Variants in PPP1R14C observed in about 807,000 individuals in gnomAD.
PPP1R14C encodes protein phosphatase 1 regulatory subunit 14C.
Under a neutral mutation model 20.4 loss-of-function variants are expected in PPP1R14C, and 16 were observed. That is an observed-to-expected ratio of 0.78 (90% CI 0.53 to 1.19). The LOEUF (loss-of-function observed/expected upper bound fraction) is 1.19. Among genes scored for constraint, PPP1R14C ranks in the 50% most tolerant of loss-of-function variants. The pLI is 0.00. For missense variants in PPP1R14C, 211 were observed against 220.1 expected (o/e 0.96, Z 0.26); for synonymous variants, 91 against 91.0 (o/e 1.00, Z 0.00).
chr6:150,177,472 AG>A (rs1019983169), intron 1 of PPP1R14C, among the ~76,000 whole-genome samples: 1 of 152,180 alleles, frequency 6.6e-6, no homozygotes, highest in African/African-American at 2.4e-5. Context: ...AGGCAAGCGA[AG>A]GGTCATGTGT....
At chr6:150,187,112 A>G (rs1023438923) in intron 1 of PPP1R14C, among the ~76,000 whole-genome samples, 1 of 151,616 alleles carries the variant, frequency 6.6e-6, no homozygotes, top group Non-Finnish European at 1.5e-5. Context: ...GGTAGCTGGG[A>G]TTATAGGCAC....
At chr6:150,217,799 A>T (rs1390176199) in intron 3 of PPP1R14C, among the ~76,000 whole-genome samples, 4 of 152,234 alleles carry the variant, frequency 2.6e-5, no homozygotes, top group Non-Finnish European at 5.9e-5. Flanking sequence ...TGTTTGTAAC[A>T]TCAAAGCAAT....
At chr6:150,175,439 T>G (rs1171095976) in intron 1 of PPP1R14C, among the ~76,000 whole-genome samples, 3 of 152,230 alleles carry the variant, frequency 2.0e-5, no homozygotes, top group Non-Finnish European at 4.4e-5. Context: ...AGCTCTGATA[T>G]GTTGAATATG....
chr6:150,240,227 C>A (rs892252007), intron 3 of PPP1R14C, among the ~76,000 whole-genome samples: 2 of 152,180 alleles, frequency 1.3e-5, no homozygotes, highest in African/African-American at 4.8e-5. Flanking sequence ...ACTACAGATT[C>A]TATAGATATT....
intron 1 of PPP1R14C, among the ~76,000 whole-genome samples, chr6:150,168,001 CCTTGCT>C (rs1777449023): frequency 7.6e-5 from 1 of 13,236 alleles, no homozygotes; most frequent in African/African-American, 3.7e-4. Context: ...TTCCTCTCCC[CCTTGCT>C]TTCCTCCCAC....
chr6:150,176,537 A>G (rs1777564708), intron 1 of PPP1R14C, among the ~76,000 whole-genome samples: 1 of 152,224 alleles, frequency 6.6e-6, no homozygotes, highest in South Asian at 2.1e-4. Context: ...AATAAAGGTG[A>G]GACCTTCCTT....
chr6:150,200,375 G>A (rs1300669450), intron 1 of PPP1R14C, among the ~76,000 whole-genome samples: 11 of 152,048 alleles, frequency 7.2e-5, no homozygotes, highest in East Asian at 1.9e-4. Flanking sequence ...CGAATTACTC[G>A]CCTCTCTGGG....
At chr6:150,208,795 G>A (rs1033235088) in intron 1 of PPP1R14C, among the ~76,000 whole-genome samples, 1 of 151,968 alleles carries the variant, frequency 6.6e-6, no homozygotes, top group Non-Finnish European at 1.5e-5. Context: ...ACATAATTCT[G>A]CTTGATGCCA....
chr6:150,174,561 G>C (rs192315641), intron 1 of PPP1R14C, among the ~76,000 whole-genome samples: 1 of 152,044 alleles, frequency 6.6e-6, no homozygotes, highest in East Asian at 1.9e-4. Context: ...GCTCCTAGAG[G>C]GTAGGAACAT....
chr6:150,168,115 C>T, intron 1 of PPP1R14C, among the ~76,000 whole-genome samples: 1 of 127,352 alleles, frequency 7.9e-6, no homozygotes. Context: ...TTACTTCCCT[C>T]CCCCACTCCT....
chr6:150,190,204 G>C (rs115403540), intron 1 of PPP1R14C, among the ~76,000 whole-genome samples: 2,580 of 151,980 alleles, frequency 0.017, 55 homozygotes, highest in African/African-American at 0.051. Flanking sequence ...TAGCCTGGAC[G>C]CGTTTATGAA....
At chr6:150,195,719 A>C (rs1420209901) in intron 1 of PPP1R14C, 10 of 338,482 alleles carry the variant, frequency 3.0e-5, no homozygotes, top group Admixed American at 2.6e-4. Context: ...TGTACAGGTC[A>C]GCTACATTAA....
chr6:150,200,229 C>CACACACAT (rs1211080275), intron 1 of PPP1R14C, among the ~76,000 whole-genome samples: 2 of 151,972 alleles, frequency 1.3e-5, no homozygotes, highest in African/African-American at 4.8e-5. Context: ...ACACACACAA[C>CACACACAT]ACACACATAC....
intron 2 of PPP1R14C, among the ~76,000 whole-genome samples, chr6:150,215,605 T>A (rs948394599): frequency 4.6e-5 from 7 of 152,248 alleles, no homozygotes; most frequent in Admixed American, 2.6e-4. Context: ...TAGCATCCCT[T>A]GAGTGGTGAA....
chr6:150,148,925 A>T (rs1419166229), intron 1 of PPP1R14C, among the ~76,000 whole-genome samples: 1 of 152,090 alleles, frequency 6.6e-6, no homozygotes, highest in Admixed American at 6.6e-5. Flanking sequence ...TTAGCCAAAG[A>T]TGGTGGCATG....
intron 3 of PPP1R14C, among the ~76,000 whole-genome samples, chr6:150,231,345 G>A (rs190293589): frequency 1.3e-5 from 2 of 152,112 alleles, no homozygotes; most frequent in Non-Finnish European, 2.9e-5. Flanking sequence ...GAGTATAAAG[G>A]AACATCCAAG....
intron 1 of PPP1R14C, among the ~76,000 whole-genome samples, chr6:150,209,426 GTTTA>G (rs146548804): frequency 0.29 from 43,847 of 151,892 alleles, 7,253 homozygotes; most frequent in East Asian, 0.49. Context: ...ATATCTGTGT[GTTTA>G]TTTGTGTATG....
intron 1 of PPP1R14C, among the ~76,000 whole-genome samples, chr6:150,208,163 G>GACC (rs1333650928): frequency 1.3e-5 from 2 of 152,116 alleles, no homozygotes; most frequent in Admixed American, 6.5e-5. Flanking sequence ...TTGCCCTGGG[G>GACC]ACCAAATTCA....
intron 1 of PPP1R14C, among the ~76,000 whole-genome samples, chr6:150,168,175 T>G (rs1291661292): frequency 7.5e-6 from 1 of 132,622 alleles, no homozygotes; most frequent in African/African-American, 2.9e-5. Context: ...TTTTTTGTCT[T>G]TGAGGTTCAC....
Sources: allele counts gnomAD v4.1 joint callset (sites outside exome capture counted in the v4.1 genomes callset), GRCh38; gene constraint gnomAD v4.1.1; transcripts MANE v1.5; gene names NCBI Gene and HGNC (gene_info 2026-07-23, HGNC 2026-07-21).